AFG2A: variants seen among roughly 807,000 people sequenced by gnomAD.
The protein encoded by AFG2A is AAA ATPase AFG2A, also known as ATPase family gene 2 protein homolog A.
the AFG2A span, among the ~76,000 whole-genome samples, chr4:123,215,886 A>C: frequency 6.6e-6 from 1 of 152,174 alleles, no homozygotes. Flanking sequence ...AATCTGCCCT[A>C]GTTACAGTCT....
At chr4:122,985,742 T>C in the AFG2A span, among the ~76,000 whole-genome samples, 3 of 149,874 alleles carry the variant, frequency 2.0e-5, no homozygotes, top group African/African-American at 7.4e-5. Context: ...GTTTCATTTA[T>C]CTTTTGTATT....
At chr4:123,306,037 G>A in the AFG2A span, among the ~76,000 whole-genome samples, 1 of 152,176 alleles carries the variant, frequency 6.6e-6, no homozygotes, top group African/African-American at 2.4e-5. Flanking sequence ...GAGCTGTCTC[G>A]CGTAATCCAG....
At chr4:123,126,485 A>C in the AFG2A span, among the ~76,000 whole-genome samples, 1 of 152,238 alleles carries the variant, frequency 6.6e-6, no homozygotes, top group South Asian at 2.1e-4. Context: ...AGATTGATAC[A>C]GTTTGGCTGT....
At chr4:122,940,800 A>G in the AFG2A span, among the ~76,000 whole-genome samples, 1 of 151,090 alleles carries the variant, frequency 6.6e-6, no homozygotes, top group Admixed American at 6.6e-5. Flanking sequence ...ATCTTGAATT[A>G]ATTTTTGTAT....
the AFG2A span, among the ~76,000 whole-genome samples, chr4:122,948,384 G>GTA: frequency 2.2e-5 from 2 of 89,536 alleles, no homozygotes; most frequent in East Asian, 3.3e-4. Flanking sequence ...CTTCTCCAGA[G>GTA]TATACACACA....
chr4:123,015,078 C>A, the AFG2A span, among the ~76,000 whole-genome samples: 8 of 152,210 alleles, frequency 5.3e-5, no homozygotes, highest in African/African-American at 1.9e-4. Context: ...TTCCCACTCA[C>A]CCTGTGCATA....
At chr4:123,211,580 G>C in the AFG2A span, among the ~76,000 whole-genome samples, 1 of 152,138 alleles carries the variant, frequency 6.6e-6, no homozygotes, top group Admixed American at 6.5e-5. Flanking sequence ...ACAGCTAAGA[G>C]TAAATGATTG....
At chr4:123,271,865 TG>T in the AFG2A span, among the ~76,000 whole-genome samples, 1 of 54,910 alleles carries the variant, frequency 1.8e-5, no homozygotes, top group African/African-American at 4.9e-5. Flanking sequence ...ATTCCTAATA[TG>T]TTTTTTTTTT....
chr4:123,199,565 G>A, the AFG2A span, among the ~76,000 whole-genome samples: 6 of 138,604 alleles, frequency 4.3e-5, no homozygotes, highest in Admixed American at 8.3e-5. Flanking sequence ...TCTGTCTCCC[G>A]GGTTCAAGCG....
At chr4:122,962,630 A>G in the AFG2A span, among the ~76,000 whole-genome samples, 1 of 152,228 alleles carries the variant, frequency 6.6e-6, no homozygotes, top group Non-Finnish European at 1.5e-5. Flanking sequence ...TTGTTTTGCC[A>G]AGACTATAAA....
chr4:122,924,457 ATTG>A, the AFG2A span, among the ~76,000 whole-genome samples: 398 of 152,232 alleles, frequency 2.6e-3, no homozygotes, highest in Non-Finnish European at 4.1e-3. Context: ...AACTTTTGGT[ATTG>A]TTGACCATTC....
chr4:123,272,992 C>T, the AFG2A span, among the ~76,000 whole-genome samples: 1 of 152,088 alleles, frequency 6.6e-6, no homozygotes, highest in South Asian at 2.1e-4. Context: ...AGGAAGATCA[C>T]AGAGGACTGT....
chr4:123,053,403 A>C, the AFG2A span, among the ~76,000 whole-genome samples: 3 of 152,218 alleles, frequency 2.0e-5, no homozygotes, highest in African/African-American at 7.2e-5. Context: ...GCCTTTCAGC[A>C]TATTTCTGCA....
the AFG2A span, among the ~76,000 whole-genome samples, chr4:122,996,249 C>A: frequency 1.3e-5 from 2 of 152,114 alleles, no homozygotes; most frequent in African/African-American, 4.8e-5. Flanking sequence ...AATGTGTACA[C>A]CTCATGCCTT....
At chr4:123,027,953 A>G in the AFG2A span, among the ~76,000 whole-genome samples, 1 of 121,690 alleles carries the variant, frequency 8.2e-6, no homozygotes, top group Admixed American at 9.5e-5. Context: ...TATTTATATG[A>G]GACTTACAAG....
At chr4:122,983,894 G>A in the AFG2A span, among the ~76,000 whole-genome samples, 1 of 152,188 alleles carries the variant, frequency 6.6e-6, no homozygotes, top group Admixed American at 6.5e-5. Context: ...AATCACTGCA[G>A]TTAGGCTCAC....
the AFG2A span, among the ~76,000 whole-genome samples, chr4:123,161,671 C>T: frequency 1.1e-4 from 17 of 152,120 alleles, no homozygotes; most frequent in Middle Eastern, 0.017. Flanking sequence ...AGTAGAGAGA[C>T]GTAATTTCTG....
chr4:123,287,136 G>C, the AFG2A span, among the ~76,000 whole-genome samples: 4 of 152,122 alleles, frequency 2.6e-5, no homozygotes, highest in Non-Finnish European at 5.9e-5. Flanking sequence ...AGCAGATTGA[G>C]TCCACACTTT....
chr4:123,274,387 G>T, the AFG2A span, among the ~76,000 whole-genome samples: 3 of 150,500 alleles, frequency 2.0e-5, no homozygotes, highest in East Asian at 3.9e-4. Flanking sequence ...TTTTTTTAAA[G>T]AAATAGTACA....
Sources: allele counts gnomAD v4.1 joint callset (sites outside exome capture counted in the v4.1 genomes callset), GRCh38; gene constraint gnomAD v4.1.1; transcripts MANE v1.5; gene names NCBI Gene and HGNC (gene_info 2026-07-23, HGNC 2026-07-21).